Variants in NEGR1 observed in about 807,000 individuals in gnomAD.
The protein encoded by NEGR1 is IgLON family member 4.
In NEGR1, 10 loss-of-function variants were observed where a neutral mutation model predicts 40.9. That is an observed-to-expected ratio of 0.24 (90% confidence interval 0.15 to 0.42). NEGR1 has a LOEUF of 0.42. Among genes scored for constraint, NEGR1 ranks in the 10% least tolerant of loss-of-function variants. The probability of loss-of-function intolerance (pLI) is 1.00; values close to 1 mark genes in which losing one functional copy is unlikely to be tolerated. For missense variants in NEGR1, 352 were observed against 438.9 expected, an observed-to-expected ratio of 0.80 and a Z score of 1.77; for synonymous variants, 185 against 166.8, an observed-to-expected ratio of 1.11 and a Z score of -0.84.
chr1:72,183,662 T>C (rs1181522545), intron 1 of NEGR1, among the ~76,000 whole-genome samples: 1 of 152,148 alleles, frequency 6.6e-6, no homozygotes, highest in Admixed American at 6.6e-5. Flanking sequence ...AGGATATTAC[T>C]ATACATAAGA....
At chr1:71,977,093 CG>C (rs1646311602) in intron 1 of NEGR1, among the ~76,000 whole-genome samples, 1 of 152,036 alleles carries the variant, frequency 6.6e-6, no homozygotes, top group Non-Finnish European at 1.5e-5. Context: ...GAGGCCGAGG[CG>C]GGTGGACTGT....
chr1:71,920,360 GACTT>G (rs1645703237), intron 2 of NEGR1, among the ~76,000 whole-genome samples: 2 of 152,074 alleles, frequency 1.3e-5, no homozygotes, highest in African/African-American at 4.8e-5. Context: ...AGCTCTGAAT[GACTT>G]ACTATATACC....
chr1:71,630,493 A>G (rs1303569829), intron 4 of NEGR1, among the ~76,000 whole-genome samples: 4 of 151,960 alleles, frequency 2.6e-5, no homozygotes, highest in African/African-American at 9.7e-5. Flanking sequence ...GATGCTCCCC[A>G]TTGGTTCTAT....
intron 1 of NEGR1, among the ~76,000 whole-genome samples, chr1:72,093,111 T>C (rs1316319924): frequency 1.3e-5 from 2 of 152,004 alleles, no homozygotes; most frequent in Non-Finnish European, 2.9e-5. Flanking sequence ...AGCAGGCAGA[T>C]CACGAGGTCA....
At chr1:71,557,082 C>G (rs573355022) in intron 6 of NEGR1, among the ~76,000 whole-genome samples, 1 of 151,544 alleles carries the variant, frequency 6.6e-6, no homozygotes, top group Non-Finnish European at 1.5e-5. Context: ...AAGGTCTTTC[C>G]CACTACAGCC....
rs756076229 is a variant in NEGR1, at chr1:71,597,472, C to CTCTCTCTGTGTGTGTGTGTGTG, written c.789-4505_789-4504insCACACACACACACACAGAGAGA. Among the ~76,000 whole-genome samples, 224 of 31,304 alleles carry CTCTCTCTGTGTGTGTGTGTGTG rather than the reference C, an allele frequency of 7.2e-3. 9 individuals carry two copies. The highest frequency in any genetic ancestry group is 9.0e-3 in the Non-Finnish European group (146 of 16,274). The allele number at this position is 31,304 out of a possible 152,430, so 20.5% of individuals were successfully genotyped here. A position where few individuals can be genotyped will look rare whatever the true frequency, so the allele number is the denominator to read the frequency against. The stretch of plus-strand genomic sequence containing the variant: ...TCTCTCTCTCTCTCTCTCTCTCTCT[C>CTCTCTCTGTGTGTGTGTGTGTG]TGTGTGTGTGTGTGTGTGTGTGTGT... On this transcript the variant is annotated intron_variant, in intron 5 of 6. Coordinates refer to ENST00000357731, the MANE Select transcript of NEGR1 (RefSeq NM_173808.3).
At chr1:71,968,671 GTAT>G (rs1208252384) in intron 1 of NEGR1, among the ~76,000 whole-genome samples, 1 of 152,102 alleles carries the variant, frequency 6.6e-6, no homozygotes, top group Non-Finnish European at 1.5e-5. Context: ...CATTCTATAG[GTAT>G]TATTCTGAAA....
At chr1:71,991,449 T>C (rs1483550362) in intron 1 of NEGR1, among the ~76,000 whole-genome samples, 1 of 152,154 alleles carries the variant, frequency 6.6e-6, no homozygotes, top group African/African-American at 2.4e-5. Flanking sequence ...TTTAAACAGA[T>C]CACTTTTCCT....
chr1:71,759,321 A>T (rs1282194807), intron 3 of NEGR1, among the ~76,000 whole-genome samples: 5 of 83,264 alleles, frequency 6.0e-5, no homozygotes, highest in Admixed American at 2.0e-4. Flanking sequence ...TTTTTGAGAC[A>T]TAGTCTCACT....
chr1:72,030,294 C>A (rs1265981834), intron 1 of NEGR1, among the ~76,000 whole-genome samples: 2 of 151,860 alleles, frequency 1.3e-5, no homozygotes, highest in Non-Finnish European at 2.9e-5. Flanking sequence ...TCCCAGGATC[C>A]CTCCAGGGTT....
intron 3 of NEGR1, among the ~76,000 whole-genome samples, chr1:71,756,675 C>T (rs1655753904): frequency 6.6e-6 from 1 of 151,876 alleles, no homozygotes; most frequent in Non-Finnish European, 1.5e-5. Context: ...GTCTCCATTC[C>T]TCACAGACAG....
chr1:71,474,566 C>G (rs1190040254), intron 6 of NEGR1, among the ~76,000 whole-genome samples: 1 of 128,500 alleles, frequency 7.8e-6, no homozygotes, highest in South Asian at 2.5e-4. Context: ...ACACAATTAG[C>G]CAGGCGTGGT....
chr1:71,998,591 C>A (rs1646526423), intron 1 of NEGR1, among the ~76,000 whole-genome samples: 1 of 151,864 alleles, frequency 6.6e-6, no homozygotes, highest in African/African-American at 2.4e-5. Context: ...CACCTACCTT[C>A]TCTTGCTACA....
chr1:71,997,410 C>A (rs548620597), intron 1 of NEGR1, among the ~76,000 whole-genome samples: 2 of 151,998 alleles, frequency 1.3e-5, no homozygotes, highest in Non-Finnish European at 2.9e-5. Flanking sequence ...AATGCCCTTT[C>A]CCCAAAACGT....
At chr1:71,908,250 A>C (rs1013589562) in intron 2 of NEGR1, among the ~76,000 whole-genome samples, 1 of 152,066 alleles carries the variant, frequency 6.6e-6, no homozygotes, top group Non-Finnish European at 1.5e-5. Flanking sequence ...GGTTAATCTC[A>C]GCAAAGAGGA....
At chr1:71,972,333 C>T (rs1646263589) in intron 1 of NEGR1, among the ~76,000 whole-genome samples, 1 of 152,062 alleles carries the variant, frequency 6.6e-6, no homozygotes, top group South Asian at 2.1e-4. Context: ...TCCCCACCTC[C>T]CATATCAGTT....
chr1:71,805,585 A>T (rs1481347185), intron 2 of NEGR1, among the ~76,000 whole-genome samples: 1 of 152,176 alleles, frequency 6.6e-6, no homozygotes, highest in African/African-American at 2.4e-5. Flanking sequence ...ACTTTCAAGG[A>T]TAGTAACACA....
intron 6 of NEGR1, among the ~76,000 whole-genome samples, chr1:71,439,406 A>G (rs2101309670): frequency 6.6e-6 from 1 of 152,266 alleles, no homozygotes; most frequent in South Asian, 2.1e-4. Context: ...TCTCTCACTC[A>G]GGCTGCAGTA....
At position 72,139,262 on chromosome 1, in the gene NEGR1, A is replaced by C. The variant is rs532563502; in HGVS notation, c.176+143057T>G. Among the ~76,000 whole-genome samples the C allele has an allele frequency of 3.3e-5, 5 of 151,746 alleles. No individual in the cohort carries two copies. In the East Asian group the frequency reaches 9.7e-4, roughly 29 times the overall value. On this transcript the variant is annotated intron_variant, in intron 1 of 6. Coordinates refer to ENST00000357731, the MANE Select transcript of NEGR1 (RefSeq NM_173808.3). The stretch of plus-strand genomic sequence containing the variant: ...TAAGAAACCAGAAAAAGCGAAAAAA[A>C]AAAAAAGAAACTCGAATTAAACAGA...
Sources: allele counts gnomAD v4.1 joint callset (sites outside exome capture counted in the v4.1 genomes callset), GRCh38; gene constraint gnomAD v4.1.1; transcripts MANE v1.5; gene names NCBI Gene and HGNC (gene_info 2026-07-23, HGNC 2026-07-21).